The following MCPH1 variants were observed in gnomAD, a reference collection of about 807,000 sequenced individuals.
MCPH1 encodes the protein microcephalin 1.
In MCPH1, 104 loss-of-function variants were observed where a neutral mutation model predicts 84.5. The observed-to-expected ratio is 1.23, with a 90% CI of 1.05 to 1.45. MCPH1 has a LOEUF of 1.45. Ranked by LOEUF, MCPH1 falls within the 40% of genes most tolerant of loss-of-function variation. The pLI, the probability that MCPH1 is intolerant of heterozygous loss-of-function variation, is 0.00. For missense variants in MCPH1, 1,498 were observed against 1,005.7 expected, an observed-to-expected ratio of 1.49 and a Z score of -6.62; for synonymous variants, 514 against 366.8, an observed-to-expected ratio of 1.40 and a Z score of -4.58.
rs1815712303 is a variant in MCPH1, at chr8:6,513,931, A to C, written c.2214+14002A>C. On this transcript the variant is annotated intron_variant, in intron 12 of 13. Transcript: ENST00000344683. ...GGATAGTCCGTCAACTTAACATAGA[A>C]TAACTATCAAATAGCAGAAATTCCT... The C allele has an allele frequency of 2.4e-6, 3 of 1,242,294 alleles. No individual in the cohort carries two copies. The Admixed American group carries it at 7.1e-5, about 29-fold the overall frequency. 77.0% of individuals were successfully genotyped at this position (1,242,294 alleles called of 1,614,324 possible).
intron 11 of MCPH1, among the ~76,000 whole-genome samples, chr8:6,488,590 T>A (rs1297891911): frequency 6.6e-6 from 1 of 152,172 alleles, no homozygotes; most frequent in Non-Finnish European, 1.5e-5. Flanking sequence ...TTAATGCACC[T>A]GGCACAGAAA....
rs1046778469 is a variant in MCPH1 at position 6,498,096 on chromosome 8, C to A, written c.2137-1756C>A. Among the ~76,000 whole-genome samples the A allele has an allele frequency of 2.0e-5, 3 of 152,196 alleles. No individual in the cohort carries two copies. In the South Asian group the frequency reaches 6.2e-4, roughly 32 times the overall value. The stretch of plus-strand genomic sequence containing the variant: ...CACAGATGCAGTTCCTATTTAAATT[C>A]ATCAGCAAGGTTTTGGTTTTATGAA... On this transcript the variant is annotated intron_variant, in intron 11 of 13. Coordinates refer to ENST00000344683, the MANE Select transcript of MCPH1 (RefSeq NM_024596.5).
At chr8:6,552,299 A>T (rs1344174970) in intron 12 of MCPH1, among the ~76,000 whole-genome samples, 1 of 152,222 alleles carries the variant, frequency 6.6e-6, no homozygotes, top group Non-Finnish European at 1.5e-5. Flanking sequence ...TGACGATGGA[A>T]TGTGGCCATA....
chr8:6,622,440 C>T (rs1831552738), intron 13 of MCPH1, among the ~76,000 whole-genome samples: 1 of 152,208 alleles, frequency 6.6e-6, no homozygotes, highest in African/African-American at 2.4e-5. Flanking sequence ...GGGGCAGCGT[C>T]TGTGCTAGAA....
At chr8:6,435,957 TA>T in intron 4 of MCPH1, 90 bp from the exon 5 acceptor site, 1 of 1,477,890 alleles carries the variant, frequency 6.8e-7, no homozygotes, top group African/African-American at 1.4e-5. Context: ...ACTGATGTTA[TA>T]AAAGGTATCA....
At chr8:6,555,967 C>G (rs1441455920) in intron 12 of MCPH1, among the ~76,000 whole-genome samples, 1 of 152,116 alleles carries the variant, frequency 6.6e-6, no homozygotes, top group Admixed American at 6.5e-5. Context: ...GAGGTGAGAA[C>G]AAAGCTGTGC....
chr8:6,611,994 C>A (rs1419321763), intron 12 of MCPH1, among the ~76,000 whole-genome samples: 1 of 152,154 alleles, frequency 6.6e-6, no homozygotes, highest in African/African-American at 2.4e-5. Flanking sequence ...GAACCCCAGA[C>A]CTTGCGGGGG....
intron 12 of MCPH1, among the ~76,000 whole-genome samples, chr8:6,574,774 A>C (rs1826934621): frequency 6.6e-6 from 1 of 152,192 alleles, no homozygotes; most frequent in African/African-American, 2.4e-5. Context: ...GAGAAAGTGA[A>C]GGAAGACCTG....
At chr8:6,514,454 G>T (rs1285029155) in intron 12 of MCPH1, among the ~76,000 whole-genome samples, 4 of 152,144 alleles carry the variant, frequency 2.6e-5, no homozygotes, top group African/African-American at 9.7e-5. Flanking sequence ...CTCCCAAAGT[G>T]CTGGGATTAC....
intron 9 of MCPH1, among the ~76,000 whole-genome samples, chr8:6,471,570 T>G (rs1807716767): frequency 6.6e-6 from 1 of 152,146 alleles, no homozygotes; most frequent in South Asian, 2.1e-4. Context: ...TATAGAGTGT[T>G]AAAATAGCAA....
At chr8:6,579,951 C>T (rs557603946) in intron 12 of MCPH1, among the ~76,000 whole-genome samples, 1 of 152,308 alleles carries the variant, frequency 6.6e-6, no homozygotes, top group Admixed American at 6.5e-5. Flanking sequence ...GACGCTGCCA[C>T]CAAGGCCGTG....
In MCPH1 at chr8:6,431,527, G is replaced by A; in HGVS notation, c.262G>A (p.Glu88Lys). The A allele has an allele frequency of 6.2e-7, 1 of 1,613,456 alleles. No homozygotes were observed. Among genetic ancestry groups the A allele is most frequent in the Non-Finnish European group, 8.5e-7 (1 of 1,179,702 alleles). The change falls in exon 4 of 14, where the codon GAA becomes AAA. Residue 88 changes from glutamate to lysine, a missense_variant. Glu to Lys is a moderately conservative substitution (Grantham distance 56, BLOSUM62 1). Coordinates refer to ENST00000344683, the MANE Select transcript of MCPH1 (RefSeq NM_024596.5). Reference sequence around the variant, plus strand: ...CAGGACAGCTGGAGCACACATTGATGAATCATTGTTCCCTGCAGCTAATAT... The same window carrying A: ...CAGGACAGCTGGAGCACACATTGATAAATCATTGTTCCCTGCAGCTAATAT... Reference protein sequence around the residue: ...KCRTAGAHIDESLFPAANMNE... With the variant: ...KCRTAGAHIDKSLFPAANMNE...
chr8:6,453,326 A>ACAG (rs10656030), intron 8 of MCPH1, among the ~76,000 whole-genome samples: 1 of 151,844 alleles, frequency 6.6e-6, no homozygotes, highest in Non-Finnish European at 1.5e-5. Flanking sequence ...TTTTAAATAA[A>ACAG]ATCATTTACT....
At chr8:6,410,520 A>G (rs932725615) in intron 2 of MCPH1, among the ~76,000 whole-genome samples, 1 of 152,220 alleles carries the variant, frequency 6.6e-6, no homozygotes, top group South Asian at 2.1e-4. Context: ...CATCTCTGTT[A>G]TCAGATTTAC....
Position 6,436,118 on chromosome 8 carries a change from T to C in MCPH1, c.392T>C (p.Phe131Ser). ...PENDKRFQKK[F>S]EKMAKELQRQ... ...AATGATAAGAGATTTCAGAAGAAAT[T>C]TGAGAAAATGGCTAAAGAGCTACAA... The change falls in exon 5 of 14, where the codon TTT (phenylalanine) becomes TCT (serine). Residue 131 changes from phenylalanine to serine, a missense_variant. Coordinates refer to ENST00000344683, the MANE Select transcript of MCPH1 (RefSeq NM_024596.5). 1 of 1,613,826 alleles carries C rather than the reference T, an allele frequency of 6.2e-7. No homozygotes were observed. The highest frequency in any genetic ancestry group is 2.2e-5 in the East Asian group (1 of 44,840).
At chr8:6,457,698 T>C (rs1051105973) in intron 9 of MCPH1, among the ~76,000 whole-genome samples, 2 of 152,060 alleles carry the variant, frequency 1.3e-5, no homozygotes, top group African/African-American at 4.8e-5. Context: ...GTCCTTAACG[T>C]GGAGGGGACG....
chr8:6,498,761 T>C (rs900787749), intron 11 of MCPH1, among the ~76,000 whole-genome samples: 1 of 152,146 alleles, frequency 6.6e-6, no homozygotes, highest in African/African-American at 2.4e-5. Flanking sequence ...TATGAGCTTG[T>C]GGGGAGCCTC....
chr8:6,611,743 C>T lies in MCPH1; in HGVS notation c.2215-9711C>T, dbSNP rs546668344. 2.0e-3 allele frequency among the ~76,000 whole-genome samples: 300 copies of T among 152,320 alleles called. 1 individual carries two copies. The highest frequency in any genetic ancestry group is 3.3e-3 in the Non-Finnish European group (223 of 68,026). On this transcript the variant is annotated intron_variant, in intron 12 of 13. Transcript: ENST00000344683. ...TCGCCATTCTCCTGCCTCAGCCTCC[C>T]CAGTAGCTGGGACTACAGGCGTCCG... is the stretch of plus-strand genomic sequence containing the variant.
At chr8:6,573,113 T>G in intron 12 of MCPH1, among the ~76,000 whole-genome samples, 1 of 152,038 alleles carries the variant, frequency 6.6e-6, no homozygotes, top group East Asian at 1.9e-4. Context: ...AGGAGATGGG[T>G]GAGTCGGAGA....
Sources: gnomAD v4.1 joint callset for allele counts (sites outside exome capture counted in the v4.1 genomes callset) on GRCh38, gnomAD v4.1.1 for gene constraint, MANE v1.5 for transcripts, NCBI Gene and HGNC (gene_info 2026-07-23, HGNC 2026-07-21) for gene names.